The following EFNA5 variants were observed in gnomAD, a reference collection of about 807,000 sequenced individuals.
The protein encoded by EFNA5 is ephrin A5.
Under a neutral mutation model 22.9 loss-of-function variants are expected in EFNA5, and 5 were observed. The ratio of observed to expected loss-of-function variants is 0.22; its 90% CI spans 0.11 to 0.46. The LOEUF is 0.46. Among genes scored for constraint, EFNA5 ranks in the 20% least tolerant of loss-of-function variants. EFNA5 has a pLI of 0.99. For synonymous variants in EFNA5, 113 were observed against 112.2 expected, an observed-to-expected ratio of 1.01 and a Z score of -0.04; for missense variants, 237 against 293.3, an observed-to-expected ratio of 0.81 and a Z score of 1.40.
At chr5:107,610,685 A>C (rs548982849) in intron 1 of EFNA5, among the ~76,000 whole-genome samples, 1 of 152,312 alleles carries the variant, frequency 6.6e-6, no homozygotes, top group South Asian at 2.1e-4. Context: ...ATACAGTGTC[A>C]AAGTCCCCAG....
chr5:107,535,050 G>A (rs575823094), intron 1 of EFNA5, among the ~76,000 whole-genome samples: 1 of 152,206 alleles, frequency 6.6e-6, no homozygotes, highest in South Asian at 2.1e-4. Context: ...GATGAAAAGT[G>A]GAAAAAAGTC....
chr5:107,431,598 G>C (rs995988133), intron 1 of EFNA5, among the ~76,000 whole-genome samples: 1 of 152,132 alleles, frequency 6.6e-6, no homozygotes, highest in Non-Finnish European at 1.5e-5. Context: ...AAAGAAAAGG[G>C]GGAGGCAGAA....
chr5:107,631,674 C>A (rs1561454711), intron 1 of EFNA5, among the ~76,000 whole-genome samples: 1 of 151,874 alleles, frequency 6.6e-6, no homozygotes, highest in African/African-American at 2.4e-5. Context: ...ATTAAATTAT[C>A]TTTATAGCAT....
At chr5:107,424,349 G>C (rs1748751956) in intron 2 of EFNA5, among the ~76,000 whole-genome samples, 1 of 150,382 alleles carries the variant, frequency 6.6e-6, no homozygotes, top group South Asian at 2.1e-4. Flanking sequence ...TGAGATTACA[G>C]GCTCCTGCCA....
intron 1 of EFNA5, among the ~76,000 whole-genome samples, chr5:107,432,570 A>C (rs1748991374): frequency 6.6e-6 from 1 of 152,178 alleles, no homozygotes; most frequent in South Asian, 2.1e-4. Flanking sequence ...ATCTCTACTA[A>C]ATTATCACAG....
intron 1 of EFNA5, among the ~76,000 whole-genome samples, chr5:107,629,542 T>C (rs191342714): frequency 6.6e-6 from 1 of 152,310 alleles, no homozygotes; most frequent in African/African-American, 2.4e-5. Flanking sequence ...TCATCAATTG[T>C]AACAAACGTA....
chr5:107,491,990 A>G (rs58484473), intron 1 of EFNA5, among the ~76,000 whole-genome samples: 1,968 of 152,098 alleles, frequency 0.013, 48 homozygotes, highest in African/African-American at 0.046. Context: ...GCGCGCCACT[A>G]TGCCAGGCTA....
rs1747646102 is a variant in EFNA5 at position 107,387,114 on chromosome 5, T to C, written c.565+121A>G. 1.9e-5 allele frequency: 12 copies of C among 617,258 alleles called. No homozygotes were observed. The South Asian group carries it at 2.8e-4, about 14-fold the overall frequency. The allele number at this position is 617,258 out of a possible 1,614,324, so 38.2% of individuals were successfully genotyped here. A position where few individuals can be genotyped will look rare whatever the true frequency, so the allele number is the denominator to read the frequency against. ...TAAGTCATATTAGCATCGCTAGCAA[T>C]GAGCAAAAGCAGAACAACAACTATA... On this transcript the variant is annotated intron_variant, in intron 4 of 4. Coordinates refer to ENST00000333274, the MANE Select transcript of EFNA5 (RefSeq NM_001962.3).
intron 1 of EFNA5, among the ~76,000 whole-genome samples, chr5:107,481,466 A>C (rs1355312120): frequency 1.3e-5 from 2 of 152,230 alleles, no homozygotes; most frequent in Admixed American, 1.3e-4. Flanking sequence ...ATACAGAGAA[A>C]GTAGTGATTC....
At chr5:107,613,425 T>C (rs577360527) in intron 1 of EFNA5, among the ~76,000 whole-genome samples, 92 of 152,214 alleles carry the variant, frequency 6.0e-4, no homozygotes, top group Admixed American at 1.6e-3. Flanking sequence ...TTAAGTATCC[T>C]AAAATGGATG....
chr5:107,404,445 A>C (rs1309422751), intron 2 of EFNA5, among the ~76,000 whole-genome samples: 1 of 152,224 alleles, frequency 6.6e-6, no homozygotes, highest in Non-Finnish European at 1.5e-5. Context: ...GGAAGCAAAC[A>C]TCATCTCAGG....
chr5:107,596,769 C>T (rs957620909), intron 1 of EFNA5, among the ~76,000 whole-genome samples: 2 of 152,088 alleles, frequency 1.3e-5, no homozygotes, highest in African/African-American at 4.8e-5. Flanking sequence ...TTCTCCCCGT[C>T]CAAAGTAGAC....
chr5:107,667,441 G>A (rs1751101389), intron 1 of EFNA5, among the ~76,000 whole-genome samples: 1 of 152,014 alleles, frequency 6.6e-6, no homozygotes, highest in Non-Finnish European at 1.5e-5. Context: ...TCAATGGAGA[G>A]GCAGTAATGA....
intron 1 of EFNA5, among the ~76,000 whole-genome samples, chr5:107,505,226 C>G (rs1322512147): frequency 6.6e-6 from 1 of 152,086 alleles, no homozygotes; most frequent in African/African-American, 2.4e-5. Flanking sequence ...AGAAAAAATG[C>G]TGTTCATTAT....
At chr5:107,496,528 C>T (rs1746990516) in intron 1 of EFNA5, among the ~76,000 whole-genome samples, 1 of 151,110 alleles carries the variant, frequency 6.6e-6, no homozygotes, top group South Asian at 2.1e-4. Context: ...TACCTTATCA[C>T]AACGCTACCT....
chr5:107,378,118 C>CA lies in EFNA5; in HGVS notation c.*3136dup, dbSNP rs1267992393. 1 of 151,130 alleles carries CA rather than the reference C, an allele frequency of 6.6e-6. No homozygotes were observed. The highest frequency in any genetic ancestry group is 1.5e-5 in the Non-Finnish European group (1 of 67,806). The allele number at this position is 151,130 out of a possible 1,614,324, so 9.4% of individuals were successfully genotyped here. On this transcript the variant is annotated 3_prime_UTR_variant, in exon 5 of 5. Transcript: ENST00000333274. ...TCTCACTTACAAAAGACATAAGAAT[C>CA]AAATTAATACTTTATTATCAAACAC...
chr5:107,535,956 T>TA, intron 1 of EFNA5, among the ~76,000 whole-genome samples: 1 of 152,322 alleles, frequency 6.6e-6, no homozygotes, highest in Middle Eastern at 3.4e-3. Flanking sequence ...CTTACCCTTT[T>TA]AAGGCACAGT....
At chr5:107,395,716 T>G (rs1053784429) in intron 2 of EFNA5, among the ~76,000 whole-genome samples, 12 of 152,326 alleles carry the variant, frequency 7.9e-5, no homozygotes, top group Middle Eastern at 3.4e-3. Flanking sequence ...TGTGGTTATT[T>G]TGGTGAACTT....
At chr5:107,573,096 G>C (rs1748852705) in intron 1 of EFNA5, among the ~76,000 whole-genome samples, 1 of 152,170 alleles carries the variant, frequency 6.6e-6, no homozygotes, top group African/African-American at 2.4e-5. Context: ...AATGTCATAA[G>C]TGAGTATCTT....
Sources: allele counts gnomAD v4.1 joint callset (sites outside exome capture counted in the v4.1 genomes callset), GRCh38; gene constraint gnomAD v4.1.1; transcripts MANE v1.5; gene names NCBI Gene and HGNC (gene_info 2026-07-23, HGNC 2026-07-21).